Variants in ARHGEF12 observed in about 807,000 individuals in gnomAD.
ARHGEF12 encodes the protein Rho guanine nucleotide exchange factor 12.
A neutral mutation model predicts 211.2 loss-of-function variants in ARHGEF12; 66 were observed. The observed-to-expected ratio is 0.31, with a 90% confidence interval of 0.26 to 0.38. The LOEUF is 0.38. Ranked by LOEUF, ARHGEF12 falls within the 10% of genes least tolerant of loss-of-function variation. The pLI, the probability that ARHGEF12 is intolerant of heterozygous loss-of-function variation, is 1.00. For missense variants in ARHGEF12, 1,429 were observed against 1,869.5 expected (o/e 0.76, Z 4.34); for synonymous variants, 592 against 638.4 (o/e 0.93, Z 1.09).
Position 120,431,788 on chromosome 11 carries a change from A to G in ARHGEF12, c.801A>G (p.Thr267=). 1 of 1,607,006 alleles carries G rather than the reference A, an allele frequency of 6.2e-7. No homozygotes were observed. The highest frequency in any genetic ancestry group is 8.5e-7 in the Non-Finnish European group (1 of 1,177,270). ...TGTTTTAGGATGGAGCTGTAGTTAC[A>G]CCCTCCAGACCTTTAGGGGACACCC... The part of the protein sequence containing the change: ...TGSAQDGAVV[T]PSRPLGDTLT... The change falls in exon 11 of 41, where the codon ACA becomes ACG. Residue 267 remains threonine (T), a synonymous_variant. Transcript: ENST00000397843.
At chr11:120,407,339 C>G (rs1425302132) in intron 2 of ARHGEF12, among the ~76,000 whole-genome samples, 3 of 152,140 alleles carry the variant, frequency 2.0e-5, no homozygotes, top group South Asian at 2.1e-4. Flanking sequence ...CATGCATGCT[C>G]TATTTATGCA....
At chr11:120,436,094 G>A (rs1237684053) in intron 11 of ARHGEF12, among the ~76,000 whole-genome samples, 1 of 152,124 alleles carries the variant, frequency 6.6e-6, no homozygotes, top group Non-Finnish European at 1.5e-5. Context: ...AAGGTGACAA[G>A]TGGGAAGGGT....
In ARHGEF12 at chr11:120,479,996, G is replaced by A. The variant is rs754352284; in HGVS notation, c.3803G>A (p.Gly1268Asp). ...LLKQLLVQQL[G>D]LTEKSVQEDW... ...AAGCAGTTGCTGGTGCAACAGCTAG[G>A]TTTGACTGAGAAGAGCGTTCAGGAA... The change falls in exon 38 of 41, where the codon GGT (glycine) becomes GAT (aspartate). Residue 1268 changes from glycine to aspartate, a missense_variant. By Grantham distance (94) the Gly-to-Asp change is moderately conservative (BLOSUM62 -1). This residue lies in a region of ARHGEF12 where 467 missense variants were observed against 468.4 expected (regional missense o/e 1.00). Coordinates refer to ENST00000397843, the MANE Select transcript of ARHGEF12 (RefSeq NM_015313.3). The A allele has an allele frequency of 5.6e-6, 9 of 1,614,074 alleles. No individual in the cohort carries two copies. Among genetic ancestry groups the A allele is most frequent in the Non-Finnish European group, 7.6e-6 (9 of 1,179,970 alleles).
intron 1 of ARHGEF12, among the ~76,000 whole-genome samples, chr11:120,381,963 C>T (rs1237057375): frequency 6.6e-6 from 1 of 152,142 alleles, no homozygotes; most frequent in African/African-American, 2.4e-5. Context: ...TATCGGGCTT[C>T]TTTCATGTAG....
chr11:120,465,117 G>A, intron 27 of ARHGEF12, 120 bp from the exon 28 acceptor site: 1 of 1,262,346 alleles, frequency 7.9e-7, no homozygotes, highest in Non-Finnish European at 1.1e-6. Flanking sequence ...ACATAGATAT[G>A]CAGTTCTGTG....
chr11:120,430,375 T>G (rs984258138), intron 10 of ARHGEF12, among the ~76,000 whole-genome samples: 2 of 152,160 alleles, frequency 1.3e-5, no homozygotes, highest in African/African-American at 4.8e-5. Flanking sequence ...GTAATAGAAC[T>G]GGAATTCAAA....
intron 1 of ARHGEF12, among the ~76,000 whole-genome samples, chr11:120,341,901 TTTGAG>T (rs138793558): frequency 0.12 from 17,621 of 152,140 alleles, 1,263 homozygotes; most frequent in Middle Eastern, 0.22. Flanking sequence ...TTTGCCTTCT[TTTGAG>T]TAAAATACCA....
In ARHGEF12 at chr11:120,383,000, G is replaced by A. The variant is rs372602038; in HGVS notation, c.33-23118G>A. Among the ~76,000 whole-genome samples, 33 of 152,278 alleles carry A rather than the reference G, an allele frequency of 2.2e-4. No individual in the cohort carries two copies. The South Asian group carries it at 3.3e-3, about 15-fold the overall frequency. ...TAAAAATACAAAAAATTAGCCAGGC[G>A]TGGTGGCGGGCGCCTGTGGTCCCAG... On this transcript the variant is annotated intron_variant, in intron 1 of 40. Coordinates refer to ENST00000397843, the MANE Select transcript of ARHGEF12 (RefSeq NM_015313.3).
intron 25 of ARHGEF12, 21 bp downstream of exon 25, chr11:120,458,255 G>C (rs561637434): frequency 1.2e-6 from 2 of 1,612,154 alleles, no homozygotes; most frequent in African/African-American, 1.3e-5. Context: ...TCAATTTGTT[G>C]TTGTTGTTTA....
intron 2 of ARHGEF12, among the ~76,000 whole-genome samples, chr11:120,407,509 C>CT (rs1157018303): frequency 1.3e-5 from 2 of 152,036 alleles, no homozygotes; most frequent in Non-Finnish European, 2.9e-5. Flanking sequence ...ATAAAAGAGA[C>CT]TTTAATGCTG....
intron 1 of ARHGEF12, among the ~76,000 whole-genome samples, chr11:120,398,272 A>C (rs1001294795): frequency 1.3e-5 from 2 of 152,234 alleles, no homozygotes; most frequent in African/African-American, 4.8e-5. Flanking sequence ...AGTGTTACAC[A>C]GTGAACTTTG....
chr11:120,441,770 G>A lies in ARHGEF12; in HGVS notation c.1156G>A (p.Ala386Thr), dbSNP rs1232310988. Residue 386 changes from alanine (A) to threonine (T), a missense_variant, in exon 14 of 41, where the codon GCT (alanine) becomes ACT (threonine). This residue lies in a region of ARHGEF12 where 11 missense variants were observed against 32.9 expected (regional missense o/e 0.33). Transcript: ENST00000397843. Reference protein sequence around the residue: ...ELLKSRPAHLAVFLHHVVSQF... With the variant: ...ELLKSRPAHLTVFLHHVVSQF... The stretch of plus-strand genomic sequence containing the variant: ...ACTAAAATCTCGCCCGGCTCATTTG[G>A]CTGTTTTCTTACACCATGTAGTTTC... 1 of 1,613,800 alleles carries A rather than the reference G, an allele frequency of 6.2e-7. No individual in the cohort carries two copies. The highest frequency in any genetic ancestry group is 8.5e-7 in the Non-Finnish European group (1 of 1,179,806).
rs746073636 is a variant in ARHGEF12, at chr11:120,474,555, G to T, written c.3034-5G>T. On this transcript the variant is annotated splice_polypyrimidine_tract_variant and splice_region_variant and intron_variant, in intron 31 of 40. Transcript: ENST00000397843. Reference sequence around the variant, plus strand: ...ATTTGTGCATGATTTTCTTTATTTTGCCAGAATTTGGATTTAACAAAAAGG... The same window carrying T: ...ATTTGTGCATGATTTTCTTTATTTTTCCAGAATTTGGATTTAACAAAAAGG... 8 of 1,607,244 alleles carry T rather than the reference G, an allele frequency of 5.0e-6. No individual in the cohort carries two copies. The highest frequency in any genetic ancestry group is 2.2e-5 in the East Asian group (1 of 44,712).
At position 120,409,279 on chromosome 11, in the gene ARHGEF12, T is replaced by TA. The variant is rs1944811294; in HGVS notation, c.143-115_143-114insA. The TA allele has an allele frequency of 5.2e-6, 5 of 956,566 alleles. No homozygotes were observed. In the East Asian group the frequency reaches 1.3e-4, roughly 25 times the overall value. The allele number at this position is 956,566 out of a possible 1,614,324, so 59.3% of individuals were successfully genotyped here. On this transcript the variant is annotated intron_variant, in intron 3 of 40. Coordinates refer to ENST00000397843, the MANE Select transcript of ARHGEF12 (RefSeq NM_015313.3). ...GCTGTCATCTGTTATGTTCATACTT[T>TA]GTGTTTGCACGATTTAACTTGATCA...
chr11:120,478,021 G>A (rs1285487625), intron 36 of ARHGEF12, 135 bp from the exon 37 acceptor site: 9 of 647,308 alleles, frequency 1.4e-5, no homozygotes, highest in Admixed American at 8.9e-5. Context: ...TCTAAGTGAT[G>A]TGTATTTTTC....
chr11:120,417,110 T>C (rs1945052809), intron 4 of ARHGEF12, among the ~76,000 whole-genome samples: 1 of 152,284 alleles, frequency 6.6e-6, no homozygotes, highest in Admixed American at 6.5e-5. Context: ...CTAACTACTT[T>C]ATATATTTTT....
chr11:120,416,106 A>C (rs1455144543), intron 4 of ARHGEF12, among the ~76,000 whole-genome samples: 1 of 152,182 alleles, frequency 6.6e-6, no homozygotes, highest in Admixed American at 6.5e-5. Flanking sequence ...AAGTAATACT[A>C]ATAGGTTTTC....
intron 39 of ARHGEF12, among the ~76,000 whole-genome samples, chr11:120,483,894 G>A (rs761828397): frequency 6.6e-6 from 1 of 152,178 alleles, no homozygotes; most frequent in Admixed American, 6.5e-5. Flanking sequence ...GATTACAGGC[G>A]TGAGCCACCG....
intron 1 of ARHGEF12, among the ~76,000 whole-genome samples, chr11:120,349,298 A>G (rs1942862555): frequency 6.6e-6 from 1 of 152,210 alleles, no homozygotes; most frequent in African/African-American, 2.4e-5. Flanking sequence ...CCAAAAATAG[A>G]AAGTAAGTCA....
Sources: gnomAD v4.1 joint callset for allele counts (sites outside exome capture counted in the v4.1 genomes callset) on GRCh38, gnomAD v4.1.1 for gene constraint, gnomAD v4.1.1 regional missense constraint, MANE v1.5 for transcripts, NCBI Gene and HGNC (gene_info 2026-07-23, HGNC 2026-07-21) for gene names.